Variants in WDPCP observed in about 807,000 individuals in gnomAD.
The protein encoded by WDPCP is WD repeat-containing and planar cell polarity effector protein fritz homolog.
Under a neutral mutation model 93.1 loss-of-function variants are expected in WDPCP, and 71 were observed. The observed-to-expected ratio is 0.76, with a 90% confidence interval of 0.63 to 0.93. The LOEUF is 0.93. WDPCP is among the 40% of genes least tolerant of loss of function. WDPCP has a pLI of 0.00. For synonymous variants in WDPCP, 315 were observed against 315.0 expected (o/e 1.00, Z 0.00); for missense variants, 844 against 887.4 (o/e 0.95, Z 0.62).
intron 3 of WDPCP, among the ~76,000 whole-genome samples, chr2:63,611,893 C>T (rs1709618822): frequency 6.6e-6 from 1 of 152,236 alleles, no homozygotes; most frequent in Non-Finnish European, 1.5e-5. Flanking sequence ...AACTCATAGC[C>T]TGACCTGGGT....
At chr2:63,382,443 A>C (rs1326930695) in intron 10 of WDPCP, among the ~76,000 whole-genome samples, 5 of 151,314 alleles carry the variant, frequency 3.3e-5, no homozygotes, top group Non-Finnish European at 4.4e-5. Flanking sequence ...AAGTACTAGC[A>C]AAAAAAACCA....
intron 17 of WDPCP, among the ~76,000 whole-genome samples, chr2:63,122,521 CAT>C: frequency 6.6e-6 from 1 of 152,230 alleles, no homozygotes; most frequent in South Asian, 2.1e-4. Flanking sequence ...ATAAGACTTT[CAT>C]AACATTTTAT....
intron 6 of WDPCP, among the ~76,000 whole-genome samples, chr2:63,466,607 T>C (rs1699360190): frequency 6.6e-6 from 1 of 152,210 alleles, no homozygotes; most frequent in East Asian, 1.9e-4. Context: ...AGTATTTAAA[T>C]ATAATTTATT....
chr2:63,258,918 T>C (rs1355931711), intron 14 of WDPCP, among the ~76,000 whole-genome samples: 1 of 152,182 alleles, frequency 6.6e-6, no homozygotes, highest in Non-Finnish European at 1.5e-5. Context: ...TGAAATACTT[T>C]GCCTGATATA....
intron 2 of WDPCP, chr2:63,717,341 T>C (rs929706729): frequency 4.0e-6 from 2 of 499,854 alleles, no homozygotes; most frequent in Non-Finnish European, 7.9e-6. Flanking sequence ...GATGGCACAA[T>C]AGGCACCAAG....
At chr2:63,583,914 T>C (rs1708667609) in intron 1 of WDPCP, among the ~76,000 whole-genome samples, 1 of 151,850 alleles carries the variant, frequency 6.6e-6, no homozygotes, top group African/African-American at 2.4e-5. Flanking sequence ...TAGACCAGCC[T>C]CAGCAACCTA....
At chr2:63,171,931 A>G (rs925707826) in intron 15 of WDPCP, among the ~76,000 whole-genome samples, 2 of 152,188 alleles carry the variant, frequency 1.3e-5, no homozygotes, top group African/African-American at 4.8e-5. Context: ...GATACAAAAG[A>G]CAATATATTG....
At chr2:63,199,911 G>A (rs576747749) in intron 14 of WDPCP, among the ~76,000 whole-genome samples, 10 of 152,324 alleles carry the variant, frequency 6.6e-5, no homozygotes, top group Admixed American at 1.3e-4. Flanking sequence ...CATGGGAGCT[G>A]AGCCCTGCAG....
intron 9 of WDPCP, among the ~76,000 whole-genome samples, chr2:63,431,937 GA>G (rs1696792817): frequency 6.6e-6 from 1 of 151,404 alleles, no homozygotes; most frequent in Admixed American, 6.6e-5. Context: ...ACAACTTTAT[GA>G]AAAAATATTC....
At chr2:63,187,367 T>C (rs1674716699) in intron 14 of WDPCP, among the ~76,000 whole-genome samples, 1 of 152,208 alleles carries the variant, frequency 6.6e-6, no homozygotes, top group African/African-American at 2.4e-5. Context: ...TTTAAAGTAA[T>C]TACCGATATG....
At chr2:63,717,423 A>T in intron 2 of WDPCP, 1 of 395,530 alleles carries the variant, frequency 2.5e-6, no homozygotes, top group Non-Finnish European at 4.9e-6. Flanking sequence ...GGTATCCCTG[A>T]ATGCCAGAGG....
chr2:63,459,933 C>T (rs896902973), intron 6 of WDPCP, among the ~76,000 whole-genome samples: 8 of 151,890 alleles, frequency 5.3e-5, no homozygotes, highest in African/African-American at 1.9e-4. Context: ...AGAAGAAAAA[C>T]AAAACAAAAG....
chr2:63,354,211 C>A (rs1689838199), intron 12 of WDPCP, among the ~76,000 whole-genome samples: 1 of 152,198 alleles, frequency 6.6e-6, no homozygotes, highest in Non-Finnish European at 1.5e-5. Context: ...AGACAAGGAA[C>A]CCCTGGCTTG....
At chr2:63,564,036 G>A (rs1706840799) in intron 1 of WDPCP, 1 of 152,104 alleles carries the variant, frequency 6.6e-6, no homozygotes, top group South Asian at 2.1e-4. Flanking sequence ...AAAAATGGAG[G>A]GCTGGTAATG....
intron 14 of WDPCP, among the ~76,000 whole-genome samples, chr2:63,252,545 C>T (rs1680819460): frequency 6.6e-6 from 1 of 152,094 alleles, no homozygotes; most frequent in Admixed American, 6.5e-5. Flanking sequence ...CACCAGAAGA[C>T]TCCTAGACCT....
At chr2:63,714,212 T>C (rs1423265619) in intron 2 of WDPCP, among the ~76,000 whole-genome samples, 1 of 151,878 alleles carries the variant, frequency 6.6e-6, no homozygotes, top group Admixed American at 6.6e-5. Flanking sequence ...CCCGCCACCA[T>C]GCCCAGCTAG....
chr2:63,203,956 G>T lies in WDPCP; in HGVS notation c.1916-29124C>A, dbSNP rs150442279. 4.6e-5 allele frequency among the ~76,000 whole-genome samples: 7 copies of T among 152,248 alleles called. No homozygotes were observed. In the East Asian group the frequency reaches 1.4e-3, roughly 29 times the overall value. On this transcript the variant is annotated intron_variant, in intron 14 of 17. Coordinates refer to ENST00000272321, the MANE Select transcript of WDPCP (RefSeq NM_015910.7). Reference sequence around the variant, plus strand: ...TTTCTTTATCCATTCATCTGCTGATGGACACTTAGGTTGCTTCCAAGTCTT... The same window carrying T: ...TTTCTTTATCCATTCATCTGCTGATTGACACTTAGGTTGCTTCCAAGTCTT...
rs78013180 is a variant in WDPCP at position 63,224,255 on chromosome 2, C to T, written c.1915+35052G>A. On this transcript the variant is annotated intron_variant, in intron 14 of 17. Coordinates refer to ENST00000272321, the MANE Select transcript of WDPCP (RefSeq NM_015910.7). Reference sequence around the variant, plus strand: ...TCTAGCACACTCATGACATAAAATGCGGTGGAACAACAAGGATTCTTATTC... The same window carrying T: ...TCTAGCACACTCATGACATAAAATGTGGTGGAACAACAAGGATTCTTATTC... Among the ~76,000 whole-genome samples the T allele has an allele frequency of 8.0e-3, 1,213 of 152,004 alleles. 12 individuals carry two copies. Among genetic ancestry groups the T allele is most frequent in the African/African-American group, 0.027 (1,123 of 41,508 alleles).
intron 2 of WDPCP, among the ~76,000 whole-genome samples, chr2:63,794,764 A>G (rs1003925621): frequency 1.1e-4 from 17 of 152,200 alleles, no homozygotes; most frequent in African/African-American, 4.1e-4. Context: ...AAGCATTCTA[A>G]GTGATGCAAT....
Sources: gnomAD v4.1 joint callset for allele counts (sites outside exome capture counted in the v4.1 genomes callset) on GRCh38, gnomAD v4.1.1 for gene constraint, MANE v1.5 for transcripts, NCBI Gene and HGNC (gene_info 2026-07-23, HGNC 2026-07-21) for gene names.